Variants in KLHL42 observed in about 807,000 individuals in gnomAD.
KLHL42 encodes the protein kelch-like protein 42.
A neutral mutation model predicts 32.7 loss-of-function variants in KLHL42; 27 were observed. That is an observed-to-expected ratio of 0.83 (90% CI 0.61 to 1.14). KLHL42 has a LOEUF of 1.14. KLHL42 is among the 50% of genes most tolerant of loss of function. KLHL42 has a pLI of 0.00. For synonymous variants in KLHL42, 267 were observed against 248.2 expected, an observed-to-expected ratio of 1.08 and a Z score of -0.71; for missense variants, 491 against 560.8, an observed-to-expected ratio of 0.88 and a Z score of 1.26.
intron 2 of KLHL42, among the ~76,000 whole-genome samples, chr12:27,795,436 A>T (rs980435826): frequency 1.3e-5 from 2 of 152,182 alleles, no homozygotes; most frequent in Non-Finnish European, 2.9e-5. Flanking sequence ...TCCCTGAGCC[A>T]AATACCCATG....
Position 27,791,920 on chromosome 12 carries a change from T to G in KLHL42, c.1066+19T>G. 6.2e-7 allele frequency: 1 copy of G among 1,611,674 alleles called. No individual in the cohort carries two copies. Among genetic ancestry groups the G allele is most frequent in the Non-Finnish European group, 8.5e-7 (1 of 1,178,582 alleles). On this transcript the variant is annotated intron_variant, in intron 2 of 2. Coordinates refer to ENST00000381271, the MANE Select transcript of KLHL42 (RefSeq NM_020782.2). The stretch of plus-strand genomic sequence containing the variant: ...ACCAGAGGTAAGTGAAGGGACCAGG[T>G]AGGTGGTCTGCCCATGTGTAGGCGT...
intron 2 of KLHL42, chr12:27,797,286 C>G (rs899721362): frequency 2.2e-6 from 1 of 457,440 alleles, no homozygotes; most frequent in African/African-American, 2.0e-5. Flanking sequence ...TGTCATGTTT[C>G]TTAGGATCAG....
chr12:27,800,061 G>T lies in KLHL42; in HGVS notation c.*1895G>T. On this transcript the variant is annotated 3_prime_UTR_variant, in exon 3 of 3. Transcript: ENST00000381271. ...ATTTTAAAATCTATTTATTTTAGAT[G>T]GTGTTAACTTTTCGTTGCTGAAGAG... is the stretch of plus-strand genomic sequence containing the variant. 4.1e-6 allele frequency: 4 copies of T among 972,114 alleles called. No individual in the cohort carries two copies. Among genetic ancestry groups the T allele is most frequent in the Non-Finnish European group, 4.9e-6 (4 of 817,896 alleles). The allele number at this position is 972,114 out of a possible 1,614,324, so 60.2% of individuals were successfully genotyped here.
intron 1 of KLHL42, among the ~76,000 whole-genome samples, chr12:27,784,346 T>C (rs2140813574): frequency 6.6e-6 from 1 of 151,730 alleles, no homozygotes; most frequent in South Asian, 2.1e-4. Flanking sequence ...TTTCACCTTG[T>C]TAGCCAGCAT....
At position 27,799,893 on chromosome 12, in the gene KLHL42, C is replaced by T. The variant is rs1416320706; in HGVS notation, c.*1727C>T. 11 of 741,534 alleles carry T rather than the reference C, an allele frequency of 1.5e-5. No individual in the cohort carries two copies. Among genetic ancestry groups the T allele is most frequent in the Non-Finnish European group, 1.3e-5 (8 of 607,648 alleles). 45.9% of individuals were successfully genotyped at this position (741,534 alleles called of 1,614,324 possible). A position where few individuals can be genotyped will look rare whatever the true frequency, so the allele number is the denominator to read the frequency against. On this transcript the variant is annotated 3_prime_UTR_variant, in exon 3 of 3. Transcript: ENST00000381271. ...TTTGTAAGGGTTTCTAAGCTATGCCCATTTATTCCCAAATATTAAGCCCTT... is the reference window on the plus strand; with the variant it reads ...TTTGTAAGGGTTTCTAAGCTATGCCTATTTATTCCCAAATATTAAGCCCTT...
rs1291913591 is a variant in KLHL42 at position 27,799,559 on chromosome 12, A to AG, written c.*1393_*1394insG. The AG allele has an allele frequency of 6.6e-6, 1 of 152,280 alleles. No individual in the cohort carries two copies. The highest frequency in any genetic ancestry group is 1.9e-4 in the East Asian group (1 of 5,202). 9.4% of individuals were successfully genotyped at this position (152,280 alleles called of 1,614,324 possible). ...GAAAGTCCTGTAGGGGAAAAAAAAA[A>AG]CTGTCAGAGCGAATTCATGCATTCA... On this transcript the variant is annotated 3_prime_UTR_variant, in exon 3 of 3. Transcript: ENST00000381271.
In KLHL42 at chr12:27,789,982, A is replaced by G. The variant is rs73086277; in HGVS notation, c.873-1726A>G. On this transcript the variant is annotated intron_variant, in intron 1 of 2. Transcript: ENST00000381271. ...TTTAGTAGGTGCCTATTACTAACCT[A>G]GTTTCCATAGTGTAATGCATCAGTT... 8.7e-3 allele frequency among the ~76,000 whole-genome samples: 1,324 copies of G among 152,320 alleles called. 10 individuals carry two copies. Among genetic ancestry groups the G allele is most frequent in the Middle Eastern group, 0.014 (4 of 294 alleles).
At chr12:27,786,845 C>A (rs1267311655) in intron 1 of KLHL42, among the ~76,000 whole-genome samples, 2 of 151,646 alleles carry the variant, frequency 1.3e-5, no homozygotes, top group East Asian at 3.9e-4. Flanking sequence ...GCCTCAGCCT[C>A]CCGAGTAGCT....
intron 2 of KLHL42, among the ~76,000 whole-genome samples, chr12:27,795,970 T>C (rs557889644): frequency 6.6e-6 from 1 of 152,320 alleles, no homozygotes; most frequent in East Asian, 1.9e-4. Context: ...TAGAATGAGT[T>C]CTTTATTGGT....
intron 1 of KLHL42, among the ~76,000 whole-genome samples, chr12:27,790,495 C>G (rs572313455): frequency 6.6e-6 from 1 of 152,194 alleles, no homozygotes; most frequent in African/African-American, 2.4e-5. Flanking sequence ...TGACCCAACA[C>G]TCCCAAGAGT....
In KLHL42 at chr12:27,787,032, A is replaced by G. The variant is rs2062175387; in HGVS notation, c.873-4676A>G. Among the ~76,000 whole-genome samples, 3 of 151,950 alleles carry G rather than the reference A, an allele frequency of 2.0e-5. No individual in the cohort carries two copies. In the South Asian group the frequency reaches 6.3e-4, roughly 32 times the overall value. On this transcript the variant is annotated intron_variant, in intron 1 of 2. Coordinates refer to ENST00000381271, the MANE Select transcript of KLHL42 (RefSeq NM_020782.2). ...GAGCCACCGCGCCCGGCCAATTGAG[A>G]GATTTTATAAAGCCTTCTGCACTCT...
intron 1 of KLHL42, among the ~76,000 whole-genome samples, chr12:27,789,458 A>T (rs1451393545): frequency 6.6e-6 from 1 of 152,210 alleles, no homozygotes; most frequent in East Asian, 1.9e-4. Context: ...AGTGAATTTG[A>T]GCGTGTTGGG....
intron 1 of KLHL42, among the ~76,000 whole-genome samples, chr12:27,783,044 CT>C (rs2062155792): frequency 6.6e-6 from 1 of 152,208 alleles, no homozygotes; most frequent in Non-Finnish European, 1.5e-5. Flanking sequence ...CCCCATATAA[CT>C]TTTGACTCTC....
Position 27,797,941 on chromosome 12 carries a change from C to G in KLHL42, c.1293C>G (p.Leu431=). Residue 431 remains leucine, a synonymous_variant, in exon 3 of 3, where the codon CTC becomes CTG. Coordinates refer to ENST00000381271, the MANE Select transcript of KLHL42 (RefSeq NM_020782.2). ...YNTVTRQWLY[L]KENTSKSGLN... ...CCGTCACCCGCCAGTGGCTCTACCT[C>G]AAGGAGAACACGTCCAAATCGGGTC... 1 of 781,050 alleles carries G rather than the reference C, an allele frequency of 1.3e-6. No homozygotes were observed. The highest frequency in any genetic ancestry group is 2.4e-6 in the Non-Finnish European group (1 of 418,150). 48.4% of individuals were successfully genotyped at this position (781,050 alleles called of 1,614,324 possible).
chr12:27,795,800 AG>A (rs767023443), intron 2 of KLHL42, among the ~76,000 whole-genome samples: 3 of 152,234 alleles, frequency 2.0e-5, no homozygotes, highest in Non-Finnish European at 4.4e-5. Flanking sequence ...TATAAAGGGA[AG>A]AAGGGTGATT....
intron 1 of KLHL42, chr12:27,787,736 T>C (rs1030953126): frequency 1.3e-5 from 2 of 152,162 alleles, no homozygotes; most frequent in African/African-American, 4.8e-5. Context: ...TAAACAAGTG[T>C]CTCCTGGCAG....
chr12:27,792,087 T>C, intron 2 of KLHL42, 186 bp downstream of exon 2: 1 of 461,860 alleles, frequency 2.2e-6, no homozygotes, highest in Non-Finnish European at 3.9e-6. Flanking sequence ...GGAGGGATCT[T>C]TTGATAACTT....
At chr12:27,796,597 CA>C (rs775068824) in intron 2 of KLHL42, among the ~76,000 whole-genome samples, 2 of 151,512 alleles carry the variant, frequency 1.3e-5, no homozygotes, top group Non-Finnish European at 2.9e-5. Context: ...AAGCGTTTTT[CA>C]AAAAGAGACG....
In KLHL42 at chr12:27,799,558, A is replaced by G. The variant is rs2062235116; in HGVS notation, c.*1392A>G. On this transcript the variant is annotated 3_prime_UTR_variant, in exon 3 of 3. Coordinates refer to ENST00000381271, the MANE Select transcript of KLHL42 (RefSeq NM_020782.2). The stretch of plus-strand genomic sequence containing the variant: ...AGAAAGTCCTGTAGGGGAAAAAAAA[A>G]ACTGTCAGAGCGAATTCATGCATTC... The G allele has an allele frequency of 6.6e-6, 1 of 152,274 alleles. No homozygotes were observed. Among genetic ancestry groups the G allele is most frequent in the African/African-American group, 2.4e-5 (1 of 41,440 alleles). 9.4% of individuals were successfully genotyped at this position (152,274 alleles called of 1,614,324 possible).
Sources: allele counts gnomAD v4.1 joint callset (sites outside exome capture counted in the v4.1 genomes callset), GRCh38; gene constraint gnomAD v4.1.1; transcripts MANE v1.5; gene names NCBI Gene and HGNC (gene_info 2026-07-23, HGNC 2026-07-21).